Variants in ACER3 observed in about 807,000 individuals in gnomAD.
ACER3 encodes alkCDase 3.
Under a neutral mutation model 48.9 loss-of-function variants are expected in ACER3, and 16 were observed. The ratio of observed to expected loss-of-function variants is 0.33; its 90% confidence interval spans 0.22 to 0.50. The LOEUF (loss-of-function observed/expected upper bound fraction) is 0.50. Ranked by LOEUF, ACER3 falls within the 20% of genes least tolerant of loss-of-function variation. The pLI is 0.98. For synonymous variants in ACER3, 109 were observed against 107.8 expected (o/e 1.01, Z -0.07); for missense variants, 227 against 326.0 (o/e 0.70, Z 2.34).
chr11:76,943,630 G>C (rs1173704822), intron 2 of ACER3, among the ~76,000 whole-genome samples: 1 of 151,864 alleles, frequency 6.6e-6, no homozygotes, highest in African/African-American at 2.4e-5. Context: ...TATATATTCT[G>C]TAGTTGTTGG....
chr11:77,007,545 T>A (rs78355120), intron 7 of ACER3, among the ~76,000 whole-genome samples: 3,230 of 152,324 alleles, frequency 0.021, 117 homozygotes, highest in African/African-American at 0.074. Flanking sequence ...TTTCTTACCA[T>A]CTGGTTTCCA....
At chr11:76,968,934 T>G (rs1948218083) in intron 3 of ACER3, among the ~76,000 whole-genome samples, 1 of 152,102 alleles carries the variant, frequency 6.6e-6, no homozygotes, top group Non-Finnish European at 1.5e-5. Flanking sequence ...AAAGCCAAAG[T>G]TGACAAATGG....
chr11:76,876,652 T>C (rs1945391148), intron 1 of ACER3, among the ~76,000 whole-genome samples: 1 of 152,230 alleles, frequency 6.6e-6, no homozygotes, highest in Non-Finnish European at 1.5e-5. Flanking sequence ...AAAGTGGTTG[T>C]ACCATTTTAC....
At position 76,990,560 on chromosome 11, in the gene ACER3, C is replaced by T. The variant is rs1314533826; in HGVS notation, c.424C>T (p.Pro142Ser). 6.7e-7 allele frequency: 1 copy of T among 1,499,106 alleles called. No individual in the cohort carries two copies. Among genetic ancestry groups the T allele is most frequent in the Admixed American group, 1.7e-5 (1 of 58,966 alleles). 92.9% of individuals were successfully genotyped at this position (1,499,106 alleles called of 1,614,324 possible). ...VTTVYLKVKE[P>S]IFHQVMYGML... ...GCAGGTTTACCTTAAGGTAAAAGAG[C>T]CGATATTCCATCAGGTAATTTTTTG... The change falls in exon 6 of 11, where the codon CCG (proline) becomes TCG (serine). Residue 142 changes from proline to serine, a missense_variant. By Grantham distance (74) the Pro-to-Ser change is moderately conservative (BLOSUM62 -1). Around this residue, in one of 3 missense-constraint regions of ACER3, gnomAD observed 195 missense variants for 290.8 expected, o/e 0.67. Coordinates refer to ENST00000532485, the MANE Select transcript of ACER3 (RefSeq NM_018367.7).
At chr11:76,933,019 A>G (rs1054189511) in intron 2 of ACER3, among the ~76,000 whole-genome samples, 1 of 152,036 alleles carries the variant, frequency 6.6e-6, no homozygotes, top group African/African-American at 2.4e-5. Context: ...CTTCTGGGAA[A>G]GAGATAAGTA....
At chr11:76,897,334 G>A (rs1945958974) in intron 1 of ACER3, among the ~76,000 whole-genome samples, 1 of 152,104 alleles carries the variant, frequency 6.6e-6, no homozygotes, top group Admixed American at 6.5e-5. Flanking sequence ...CTTGACAAGT[G>A]GTAGTGTTAA....
At chr11:76,998,477 T>G in intron 6 of ACER3, 1 of 238,958 alleles carries the variant, frequency 4.2e-6, no homozygotes, top group Non-Finnish European at 7.6e-6. Flanking sequence ...CAGCATTTGT[T>G]CAGGTTTCAG....
chr11:76,998,797 T>C lies in ACER3; in HGVS notation c.473T>C (p.Leu158Pro). The change falls in exon 7 of 11, where the codon CTT becomes CCT. Residue 158 changes from leucine (L) to proline (P), a missense_variant. Transcript: ENST00000532485. ...MYGMLVFTLV[L>P]RSIYIVTWVY... ...GGAATGTTGGTCTTTACATTAGTACTTCGATCTATTTATATTGTTACATGG... is the reference window on the plus strand; with the variant it reads ...GGAATGTTGGTCTTTACATTAGTACCTCGATCTATTTATATTGTTACATGG... 1 of 1,597,208 alleles carries C rather than the reference T, an allele frequency of 6.3e-7. No individual in the cohort carries two copies. The highest frequency in any genetic ancestry group is 8.5e-7 in the Non-Finnish European group (1 of 1,173,832).
chr11:76,970,839 A>T (rs1948279200), intron 3 of ACER3, among the ~76,000 whole-genome samples: 1 of 152,132 alleles, frequency 6.6e-6, no homozygotes, highest in Admixed American at 6.5e-5. Flanking sequence ...ACAACATTTC[A>T]TCACCCCAAA....
At position 76,997,157 on chromosome 11, in the gene ACER3, T is replaced by A. The variant is rs575037748; in HGVS notation, c.439-1606T>A. Reference sequence around the variant, plus strand: ...TATAAGGATCTTTTTTTCCTCCTTGTCTCTAGAATATAAGATATCACAATA... The same window carrying A: ...TATAAGGATCTTTTTTTCCTCCTTGACTCTAGAATATAAGATATCACAATA... On this transcript the variant is annotated intron_variant, in intron 6 of 10. Coordinates refer to ENST00000532485, the MANE Select transcript of ACER3 (RefSeq NM_018367.7). Among the ~76,000 whole-genome samples the A allele has an allele frequency of 3.3e-5, 5 of 152,288 alleles. No individual in the cohort carries two copies. The East Asian group carries it at 9.7e-4, about 29-fold the overall frequency.
chr11:76,958,287 A>G (rs1318754184), intron 2 of ACER3, among the ~76,000 whole-genome samples: 1 of 151,306 alleles, frequency 6.6e-6, no homozygotes. Context: ...TCTGGGTTCA[A>G]ACGATTCTCT....
chr11:76,968,205 G>T (rs1027005272), intron 3 of ACER3, among the ~76,000 whole-genome samples: 5 of 150,728 alleles, frequency 3.3e-5, no homozygotes, highest in African/African-American at 1.2e-4. Flanking sequence ...GCTTCAAAGA[G>T]AATAAAATAC....
At chr11:76,956,684 C>CTT (rs11368601) in intron 2 of ACER3, among the ~76,000 whole-genome samples, 17,117 of 142,242 alleles carry the variant, frequency 0.12, 1,682 homozygotes, top group African/African-American at 0.26. Flanking sequence ...TCCCATCTCA[C>CTT]TTTTTTTTTT....
intron 1 of ACER3, chr11:76,868,257 G>A (rs1270453722): frequency 7.8e-7 from 1 of 1,287,566 alleles, no homozygotes; most frequent in African/African-American, 1.5e-5. Flanking sequence ...TTCTCTGAAG[G>A]TTATTGACAG....
chr11:76,864,098 T>C (rs1945011541), intron 1 of ACER3, among the ~76,000 whole-genome samples: 1 of 152,248 alleles, frequency 6.6e-6, no homozygotes, highest in African/African-American at 2.4e-5. Flanking sequence ...GTTTGGGGAA[T>C]TGCATATTCA....
chr11:77,019,251 G>A (rs1181789646), intron 9 of ACER3, among the ~76,000 whole-genome samples: 5 of 152,170 alleles, frequency 3.3e-5, no homozygotes, highest in African/African-American at 9.7e-5. Flanking sequence ...ACAAGGTCTG[G>A]GGTTCGAGAC....
intron 1 of ACER3, among the ~76,000 whole-genome samples, chr11:76,890,585 A>G (rs1945780450): frequency 6.6e-6 from 1 of 152,182 alleles, no homozygotes; most frequent in South Asian, 2.1e-4. Flanking sequence ...CATTTTCCAG[A>G]CTGAACTCCA....
chr11:77,002,820 A>G (rs1398079113), intron 7 of ACER3, among the ~76,000 whole-genome samples: 3 of 152,216 alleles, frequency 2.0e-5, no homozygotes, highest in African/African-American at 7.2e-5. Flanking sequence ...ATAAGACATT[A>G]GGCTAAGTGA....
chr11:76,947,441 A>C (rs983412019), intron 2 of ACER3, among the ~76,000 whole-genome samples: 2 of 152,208 alleles, frequency 1.3e-5, no homozygotes, highest in African/African-American at 4.8e-5. Context: ...AGAGTAAATA[A>C]AAGTCATCTT....
Sources: allele counts gnomAD v4.1 joint callset (sites outside exome capture counted in the v4.1 genomes callset), GRCh38; gene constraint gnomAD v4.1.1; regional missense constraint gnomAD v4.1.1; transcripts MANE v1.5; gene names NCBI Gene and HGNC (gene_info 2026-07-23, HGNC 2026-07-21).